The following SH3PXD2A variants were observed in gnomAD, a reference collection of about 807,000 sequenced individuals.
SH3PXD2A encodes SH3 and PX domains 2A.
SH3PXD2A carries 32 observed loss-of-function variants against 115.2 expected under a neutral mutation model. The observed-to-expected ratio is 0.28, with a 90% CI of 0.21 to 0.37. The LOEUF (loss-of-function observed/expected upper bound fraction) is 0.37. SH3PXD2A is among the 10% of genes least tolerant of loss of function. The pLI, the probability that SH3PXD2A is intolerant of heterozygous loss-of-function variation, is 1.00. For missense variants in SH3PXD2A, 1,328 were observed against 1,498.7 expected (o/e 0.89, Z 1.88); for synonymous variants, 610 against 629.1 (o/e 0.97, Z 0.45).
intron 13 of SH3PXD2A, among the ~76,000 whole-genome samples, chr10:103,607,717 A>T (rs1357073262): frequency 1.3e-5 from 2 of 152,222 alleles, no homozygotes; most frequent in Non-Finnish European, 2.9e-5. Flanking sequence ...AAAGGGGGGA[A>T]AGGTGGGGAA....
rs1278387148 is a variant in SH3PXD2A at position 103,620,176 on chromosome 10, G to A, written c.802+2294C>T. Reference sequence around the variant, plus strand: ...GGTCTTGGGAAGAGATGTCCCGTCGGAAATGGGGTTGAGGGAAGGGAGGCT... The same window carrying A: ...GGTCTTGGGAAGAGATGTCCCGTCGAAAATGGGGTTGAGGGAAGGGAGGCT... On this transcript the variant is annotated intron_variant, in intron 10 of 14. Transcript: ENST00000369774. This position sits in a 1 kb window ranked among gnomAD's most constrained non-coding sequence, Gnocchi z 5.3. Among the ~76,000 whole-genome samples the A allele has an allele frequency of 6.6e-6, 1 of 152,232 alleles. No individual in the cohort carries two copies. The highest frequency in any genetic ancestry group is 1.5e-5 in the Non-Finnish European group (1 of 68,042).
intron 2 of SH3PXD2A, among the ~76,000 whole-genome samples, chr10:103,772,069 C>T (rs1041348182): frequency 3.3e-5 from 5 of 152,194 alleles, no homozygotes; most frequent in African/African-American, 1.2e-4. Flanking sequence ...CAGCTTTCAA[C>T]GAAAGCAAAT....
At chr10:103,668,894 G>A (rs1295252722) in intron 6 of SH3PXD2A, among the ~76,000 whole-genome samples, 1 of 152,354 alleles carries the variant, frequency 6.6e-6, no homozygotes, top group Non-Finnish European at 1.5e-5. Context: ...GGTGTCCGCC[G>A]AAATGCAGGA....
At chr10:103,609,692 G>A (rs1000849601) in intron 13 of SH3PXD2A, 1 of 152,124 alleles carries the variant, frequency 6.6e-6, no homozygotes, top group South Asian at 2.1e-4. Flanking sequence ...TTGCTTCAAT[G>A]GTCTTGTCTC....
chr10:103,601,566 TG>T lies in SH3PXD2A; in HGVS notation c.*249del, dbSNP rs1228918489. On this transcript the variant is annotated 3_prime_UTR_variant, in exon 15 of 15. Transcript: ENST00000369774. ...CAGGATATCTCAGCTTTCTTGGCTC[TG>T]GGTCCCAGGCCTGGGACTCCCTGGT... 1 of 421,832 alleles carries T rather than the reference TG, an allele frequency of 2.4e-6. No homozygotes were observed. The highest frequency in any genetic ancestry group is 4.4e-5 in the East Asian group (1 of 22,736). 26.1% of individuals were successfully genotyped at this position (421,832 alleles called of 1,614,324 possible). A position where few individuals can be genotyped will look rare whatever the true frequency, so the allele number is the denominator to read the frequency against.
chr10:103,770,926 C>A (rs895159586), intron 2 of SH3PXD2A, among the ~76,000 whole-genome samples: 1 of 152,182 alleles, frequency 6.6e-6, no homozygotes, highest in Non-Finnish European at 1.5e-5. Context: ...TACTTTTTAT[C>A]TTGTTGTATT....
At chr10:103,707,548 A>G (rs1242740178) in intron 5 of SH3PXD2A, among the ~76,000 whole-genome samples, 1 of 151,622 alleles carries the variant, frequency 6.6e-6, no homozygotes, top group South Asian at 2.1e-4. Flanking sequence ...GGGTCTTGCT[A>G]TGTTGCCTAG....
chr10:103,750,788 T>C (rs2134204800), intron 3 of SH3PXD2A, among the ~76,000 whole-genome samples: 1 of 152,184 alleles, frequency 6.6e-6, no homozygotes, highest in East Asian at 1.9e-4. Flanking sequence ...ACGGGCTTTT[T>C]TTGTTTCTTT....
chr10:103,758,701 G>A (rs538671672), intron 3 of SH3PXD2A, among the ~76,000 whole-genome samples: 13 of 152,340 alleles, frequency 8.5e-5, no homozygotes, highest in Admixed American at 2.6e-4. Context: ...ACTGATTTTT[G>A]GGGATGGGAA....
chr10:103,776,599 C>T (rs1164897949), intron 2 of SH3PXD2A, among the ~76,000 whole-genome samples: 8 of 151,998 alleles, frequency 5.3e-5, no homozygotes, highest in Non-Finnish European at 1.0e-4. Flanking sequence ...CAGGTTGGTT[C>T]CCTCTGAGGG....
intron 6 of SH3PXD2A, among the ~76,000 whole-genome samples, chr10:103,677,607 T>C (rs1262305082): frequency 6.6e-6 from 1 of 152,164 alleles, no homozygotes; most frequent in Non-Finnish European, 1.5e-5. Flanking sequence ...GGGCAGGATC[T>C]TTGTTCACTG....
chr10:103,726,657 T>C (rs1025306326), intron 4 of SH3PXD2A, among the ~76,000 whole-genome samples: 2 of 152,210 alleles, frequency 1.3e-5, no homozygotes, highest in South Asian at 4.1e-4. Context: ...TGGGACATGA[T>C]AGTGGGGCAA....
At chr10:103,804,258 G>C (rs545551865) in intron 1 of SH3PXD2A, among the ~76,000 whole-genome samples, 1 of 151,704 alleles carries the variant, frequency 6.6e-6, no homozygotes, top group East Asian at 1.9e-4. Flanking sequence ...GCTGAGGAGG[G>C]AGTACATTCA....
At chr10:103,730,051 G>A (rs75142416) in intron 4 of SH3PXD2A, among the ~76,000 whole-genome samples, 3,184 of 152,296 alleles carry the variant, frequency 0.021, 117 homozygotes, top group African/African-American at 0.071. Flanking sequence ...GGCCCCGGCA[G>A]ACTGTGCTCA....
chr10:103,752,002 C>G (rs1389708626), intron 3 of SH3PXD2A, among the ~76,000 whole-genome samples: 1 of 152,180 alleles, frequency 6.6e-6, no homozygotes, highest in Non-Finnish European at 1.5e-5. Context: ...CCTACTAACC[C>G]TAGCTGATTC....
rs1024782290 is a variant in SH3PXD2A at position 103,595,901 on chromosome 10, G to T, written c.*5915C>A. ...GTTTGCAGGAGGGAAGTTAACAGTG[G>T]GGCTGTTTTTCCCCAAAGCTGTGGG... On this transcript the variant is annotated 3_prime_UTR_variant, in exon 15 of 15. Coordinates refer to ENST00000369774, the MANE Select transcript of SH3PXD2A (RefSeq NM_001394015.1). 6.6e-6 allele frequency: 1 copy of T among 152,588 alleles called. No individual in the cohort carries two copies. The highest frequency in any genetic ancestry group is 1.5e-5 in the Non-Finnish European group (1 of 68,062). The allele number at this position is 152,588 out of a possible 1,614,324, so 9.5% of individuals were successfully genotyped here. A position where few individuals can be genotyped will look rare whatever the true frequency, so the allele number is the denominator to read the frequency against.
chr10:103,615,705 G>A lies in SH3PXD2A; in HGVS notation c.920+1492C>T, dbSNP rs529931291. On this transcript the variant is annotated intron_variant, in intron 11 of 14. Coordinates refer to ENST00000369774, the MANE Select transcript of SH3PXD2A (RefSeq NM_001394015.1). ...CTGTAAGACTAGGCCATGGGGATAG[G>A]AGCGGACTAGAAGCAGCTCAGAGTG... Among the ~76,000 whole-genome samples the A allele has an allele frequency of 7.2e-5, 11 of 152,172 alleles. No homozygotes were observed. The South Asian group carries it at 2.3e-3, about 32-fold the overall frequency.
intron 2 of SH3PXD2A, among the ~76,000 whole-genome samples, chr10:103,780,932 A>G (rs1386468787): frequency 2.0e-5 from 3 of 152,064 alleles, no homozygotes; most frequent in Non-Finnish European, 4.4e-5. Context: ...CCTCTGCTCA[A>G]CTGACCTCTC....
chr10:103,798,417 G>A (rs555288918), intron 2 of SH3PXD2A, among the ~76,000 whole-genome samples: 51 of 152,246 alleles, frequency 3.3e-4, no homozygotes, highest in African/African-American at 1.1e-3. Context: ...TCAAGTGATC[G>A]TCCCACCTCA....
Sources: gnomAD v4.1 joint callset for allele counts (sites outside exome capture counted in the v4.1 genomes callset) on GRCh38, gnomAD v4.1.1 for gene constraint, Gnocchi (gnomAD v3.1) non-coding constraint, MANE v1.5 for transcripts, NCBI Gene and HGNC (gene_info 2026-07-23, HGNC 2026-07-21) for gene names.